Variants in FBXO2 observed in about 807,000 individuals in gnomAD.
FBXO2 encodes F-box only protein 2.
A neutral mutation model predicts 38.6 loss-of-function variants in FBXO2; 32 were observed. The observed-to-expected ratio is 0.83, with a 90% CI of 0.62 to 1.11. The LOEUF is 1.11. Ranked by LOEUF, FBXO2 falls within the 50% of genes most tolerant of loss-of-function variation. The probability of loss-of-function intolerance (pLI) is 0.00; values close to 1 mark genes in which losing one functional copy is unlikely to be tolerated. For synonymous variants in FBXO2, 189 were observed against 182.9 expected, an observed-to-expected ratio of 1.03 and a Z score of -0.27; for missense variants, 450 against 418.3, an observed-to-expected ratio of 1.08 and a Z score of -0.66.
intron 1 of FBXO2, among the ~76,000 whole-genome samples, chr1:11,652,982 TGGGG>T (rs1177057042): frequency 6.6e-6 from 1 of 152,184 alleles, no homozygotes; most frequent in Non-Finnish European, 1.5e-5. Flanking sequence ...CTTTATGATG[TGGGG>T]ATTTACACCG....
In FBXO2 at chr1:11,648,934, G is replaced by A. The variant is rs551455433; in HGVS notation, c.757-106C>T. On this transcript the variant is annotated intron_variant, in intron 5 of 5. Coordinates refer to ENST00000354287, the MANE Select transcript of FBXO2 (RefSeq NM_012168.6). This position sits in a 1 kb window ranked among gnomAD's most constrained non-coding sequence, Gnocchi z 4.2. Reference sequence around the variant, plus strand: ...TGCAGCTCCCCCACTCGGTTTCTCCGCGGTATTCAGAACTCTCTCCACCAC... The same window carrying A: ...TGCAGCTCCCCCACTCGGTTTCTCCACGGTATTCAGAACTCTCTCCACCAC... The A allele has an allele frequency of 6.5e-6, 10 of 1,530,424 alleles. 1 individual carries two copies. Among genetic ancestry groups the A allele is most frequent in the Non-Finnish European group, 8.9e-6 (10 of 1,124,726 alleles). The allele number at this position is 1,530,424 out of a possible 1,614,324, so 94.8% of individuals were successfully genotyped here.
chr1:11,650,038 C>T lies in FBXO2; in HGVS notation c.428G>A (p.Gly143Glu). Residue 143 changes from glycine (G) to glutamate (E), a missense_variant, in exon 3 of 6, where the codon GGG (glycine) becomes GAG (glutamate). By Grantham distance (98) the Gly-to-Glu change is moderately conservative. Transcript: ENST00000354287. Reference protein sequence around the residue: ...LEGWCDVEHGGDGWRVEELPG... With the variant: ...LEGWCDVEHGEDGWRVEELPG... ...CAGCTCCTCCACCCTCCAGCCGTCCCCACCATGCTCCACGTCACACCAGCC... is the reference window on the plus strand; with the variant it reads ...CAGCTCCTCCACCCTCCAGCCGTCCTCACCATGCTCCACGTCACACCAGCC... The T allele has an allele frequency of 6.2e-7, 1 of 1,614,126 alleles. No homozygotes were observed. Among genetic ancestry groups the T allele is most frequent in the Non-Finnish European group, 8.5e-7 (1 of 1,180,026 alleles).
At position 11,650,752 on chromosome 1, in the gene FBXO2, C is replaced by G. The variant is rs985768341; in HGVS notation, c.105G>C (p.Gln35His). ...CGGCGGCCGCCGCCTCCTCCTCCTGCTGGTCCTCCGGCCGCTCCTCCTCAG... is the reference window on the plus strand; with the variant it reads ...CGGCGGCCGCCGCCTCCTCCTCCTGGTGGTCCTCCGGCCGCTCCTCCTCAG... Reference protein sequence around the residue: ...ASAEEERPEDQQEEEAAAAAA... With the variant: ...ASAEEERPEDHQEEEAAAAAA... Residue 35 changes from glutamine (Q) to histidine (H), a missense_variant, in exon 2 of 6, where the codon CAG becomes CAC. Physicochemically the swap from Gln to His is conservative, Grantham distance 24. Transcript: ENST00000354287. 1.3e-6 allele frequency: 2 copies of G among 1,532,076 alleles called. No individual in the cohort carries two copies. Among genetic ancestry groups the G allele is most frequent in the East Asian group, 4.9e-5 (2 of 40,424 alleles). 94.9% of individuals were successfully genotyped at this position (1,532,076 alleles called of 1,614,324 possible).
At chr1:11,654,263 G>A in intron 1 of FBXO2, 56 bp downstream of exon 1, 2 of 1,481,996 alleles carry the variant, frequency 1.3e-6, no homozygotes, top group Admixed American at 2.3e-5. Context: ...TGCAGCGCTC[G>A]CCCGCCGACC....
chr1:11,651,848 T>C (rs985839722), intron 1 of FBXO2, among the ~76,000 whole-genome samples: 5 of 152,156 alleles, frequency 3.3e-5, no homozygotes, highest in East Asian at 3.8e-4. Context: ...GACAGGCATG[T>C]GCCACCACGC....
At chr1:11,651,314 G>A (rs947454934) in intron 1 of FBXO2, among the ~76,000 whole-genome samples, 4 of 152,076 alleles carry the variant, frequency 2.6e-5, no homozygotes, top group African/African-American at 9.7e-5. Flanking sequence ...GCCTGTCTCT[G>A]GACCATACGG....
chr1:11,652,641 C>T (rs559789270), intron 1 of FBXO2, among the ~76,000 whole-genome samples: 2 of 152,294 alleles, frequency 1.3e-5, no homozygotes, highest in East Asian at 1.9e-4. Flanking sequence ...GAGGAGGAGA[C>T]GGGGCCACTC....
intron 4 of FBXO2, 54 bp downstream of exon 4, chr1:11,649,725 C>T: frequency 6.3e-7 from 1 of 1,575,718 alleles, no homozygotes; most frequent in African/African-American, 1.3e-5. Flanking sequence ...GCTGGCTCTC[C>T]CCTCTGCCTT....
chr1:11,652,220 T>C (rs934431514), intron 1 of FBXO2, among the ~76,000 whole-genome samples: 1 of 152,046 alleles, frequency 6.6e-6, no homozygotes, highest in Non-Finnish European at 1.5e-5. Flanking sequence ...GAAGGGGACA[T>C]GGGACCTGGG....
intron 1 of FBXO2, among the ~76,000 whole-genome samples, chr1:11,651,154 C>A (rs951802271): frequency 2.0e-5 from 3 of 152,218 alleles, no homozygotes; most frequent in African/African-American, 7.2e-5. Flanking sequence ...CTGCACAGTG[C>A]TTCACACAGG....
At chr1:11,649,663 G>T (rs551599406) in intron 4 of FBXO2, 116 bp downstream of exon 4, 4 of 1,046,338 alleles carry the variant, frequency 3.8e-6, no homozygotes, top group South Asian at 2.9e-5. Context: ...TGGCCCACGT[G>T]GCCTCAACCC....
chr1:11,650,662 G>C lies in FBXO2; in HGVS notation c.195C>G (p.Ala65=), dbSNP rs757543740. Residue 65 remains alanine (A), a synonymous_variant, in exon 2 of 6, where the codon GCC becomes GCG. Coordinates refer to ENST00000354287, the MANE Select transcript of FBXO2 (RefSeq NM_012168.6). ...LLRVLAALPA[A]ELVQACRLVC... ...CCAGGCGGCAGGCCTGCACCAGCTC[G>C]GCGGCCGGCAGTGCGGCCAGCACGC... The C allele has an allele frequency of 1.2e-5, 18 of 1,549,772 alleles. No homozygotes were observed. Among genetic ancestry groups the C allele is most frequent in the Non-Finnish European group, 1.6e-5 (18 of 1,153,384 alleles).
chr1:11,649,707 G>T (rs2235658), intron 4 of FBXO2, 72 bp downstream of exon 4: 103,875 of 1,512,500 alleles, frequency 0.069, 4,289 homozygotes, highest in East Asian at 0.15. Context: ...CAGGCGGGGG[G>T]TTCCCCAGCT....
chr1:11,650,587 G>T lies in FBXO2; in HGVS notation c.270C>A (p.Leu90=), dbSNP rs770487107. ...GCACCAGCCCCTCCTGCTGGCACTTGAGCAGCCACAGCGGGGCGCCGTCCA... is the reference window on the plus strand; with the variant it reads ...GCACCAGCCCCTCCTGCTGGCACTTTAGCAGCCACAGCGGGGCGCCGTCCA... The part of the protein sequence containing the change: ...ELVDGAPLWL[L]KCQQEGLVPE... The change falls in exon 2 of 6, where the codon CTC becomes CTA. Residue 90 remains leucine (L), a synonymous_variant. Transcript: ENST00000354287. 59 of 1,594,432 alleles carry T rather than the reference G, an allele frequency of 3.7e-5. No homozygotes were observed. Among genetic ancestry groups the T allele is most frequent in the Non-Finnish European group, 4.3e-5 (51 of 1,173,356 alleles).
rs926413774 is a variant in FBXO2, at chr1:11,654,313, G to A, written c.22+6C>T. 7 of 1,472,704 alleles carry A rather than the reference G, an allele frequency of 4.8e-6. No homozygotes were observed. The highest frequency in any genetic ancestry group is 6.3e-6 in the Non-Finnish European group (7 of 1,118,722). 91.2% of individuals were successfully genotyped at this position (1,472,704 alleles called of 1,614,324 possible). A position where few individuals can be genotyped will look rare whatever the true frequency, so the allele number is the denominator to read the frequency against. ...CGCCGCAGCGAGCGGTCCAGGCGTCGGCTACCTGGGTCACCGTCTCCGTCC... is the reference window on the plus strand; with the variant it reads ...CGCCGCAGCGAGCGGTCCAGGCGTCAGCTACCTGGGTCACCGTCTCCGTCC... On this transcript the variant is annotated splice_donor_region_variant and intron_variant, in intron 1 of 5. Transcript: ENST00000354287.
Position 11,650,611 on chromosome 1 carries a change from C to A in FBXO2, c.246G>T (p.Val82=). The change falls in exon 2 of 6, where the codon GTG becomes GTT. Residue 82 remains valine (V), a synonymous_variant. Transcript: ENST00000354287. ...TGAGCAGCCACAGCGGGGCGCCGTC[C>A]ACCAGCTCCTTCCAGCGCAGGCACA... ...RLVCLRWKEL[V]DGAPLWLLKC... is the part of the protein sequence containing the mutation. 6.3e-7 allele frequency: 1 copy of A among 1,589,592 alleles called. No individual in the cohort carries two copies. Among genetic ancestry groups the A allele is most frequent in the East Asian group, 2.3e-5 (1 of 44,040 alleles).
chr1:11,651,857 G>A (rs781338112), intron 1 of FBXO2, among the ~76,000 whole-genome samples: 13 of 152,146 alleles, frequency 8.5e-5, no homozygotes, highest in East Asian at 1.9e-4. Context: ...GTGCCACCAC[G>A]CCTGGCTAAT....
chr1:11,652,562 GCTGGGC>G (rs1321171409), intron 1 of FBXO2, among the ~76,000 whole-genome samples: 10 of 152,356 alleles, frequency 6.6e-5, no homozygotes, highest in Middle Eastern at 3.4e-3. Context: ...GTCGGCTTCA[GCTGGGC>G]CATCACAGCC....
chr1:11,654,197 C>A (rs1639609490), intron 1 of FBXO2, 122 bp downstream of exon 1: 6 of 1,110,098 alleles, frequency 5.4e-6, no homozygotes, highest in Non-Finnish European at 7.5e-6. Flanking sequence ...GCTTCGCTGG[C>A]GTGAAAGTTT....
Sources: allele counts gnomAD v4.1 joint callset (sites outside exome capture counted in the v4.1 genomes callset), GRCh38; gene constraint gnomAD v4.1.1; non-coding constraint Gnocchi (gnomAD v3.1); transcripts MANE v1.5; gene names NCBI Gene and HGNC (gene_info 2026-07-23, HGNC 2026-07-21).